GPHN: variants seen among roughly 807,000 people sequenced by gnomAD.
GPHN encodes gephyrin.
In GPHN, 17 loss-of-function variants were observed where a neutral mutation model predicts 95.5. The observed-to-expected ratio is 0.18, with a 90% CI of 0.12 to 0.27. The LOEUF (loss-of-function observed/expected upper bound fraction) is 0.27. Among genes scored for constraint, GPHN ranks in the 10% least tolerant of loss-of-function variants. The probability of loss-of-function intolerance (pLI) is 1.00; values close to 1 mark genes in which losing one functional copy is unlikely to be tolerated. For missense variants in GPHN, 660 were observed against 978.1 expected (o/e 0.67, Z 4.34); for synonymous variants, 320 against 322.5 (o/e 0.99, Z 0.08).
the GPHN span, chr14:67,204,406 C>A: frequency 7.7e-7 from 1 of 1,293,102 alleles, no homozygotes; most frequent in Non-Finnish European, 1.0e-6. Context: ...ATCACCACTG[C>A]ACTCCAACGT....
At chr14:66,717,285 A>G (rs185731104) in intron 2 of GPHN, among the ~76,000 whole-genome samples, 3 of 151,956 alleles carry the variant, frequency 2.0e-5, no homozygotes, top group Non-Finnish European at 2.9e-5. Flanking sequence ...GTTCCATTCT[A>G]TTGCTGAGAC....
At chr14:67,200,320 C>T in the GPHN span, 3 of 658,746 alleles carry the variant, frequency 4.6e-6, no homozygotes, top group South Asian at 5.3e-5. Context: ...AGCCCTCTCC[C>T]TCAGTAAATT....
At chr14:66,697,594 T>C (rs976550074) in intron 2 of GPHN, among the ~76,000 whole-genome samples, 2 of 152,128 alleles carry the variant, frequency 1.3e-5, no homozygotes, top group Non-Finnish European at 2.9e-5. Flanking sequence ...TGGTGGATAT[T>C]TAAAAGTATG....
the GPHN span, among the ~76,000 whole-genome samples, chr14:67,717,575 C>T: frequency 6.6e-6 from 1 of 152,252 alleles, no homozygotes; most frequent in Non-Finnish European, 1.5e-5. Context: ...TTTAGGCCTA[C>T]ATTCTGGAGG....
chr14:67,204,210 G>A, the GPHN span, among the ~76,000 whole-genome samples: 1 of 152,126 alleles, frequency 6.6e-6, no homozygotes, highest in African/African-American at 2.4e-5. Flanking sequence ...GCCAAGGCAG[G>A]TGAATTGCTT....
chr14:66,529,476 G>C (rs1212970945), intron 1 of GPHN, among the ~76,000 whole-genome samples: 1 of 152,016 alleles, frequency 6.6e-6, no homozygotes, highest in East Asian at 1.9e-4. Context: ...CAATTCATTA[G>C]ACTCATTATC....
the GPHN span, chr14:67,446,047 G>A: frequency 1.9e-6 from 1 of 518,406 alleles, no homozygotes; most frequent in Admixed American, 1.9e-5. Flanking sequence ...AAGATGGGAG[G>A]CCCAGATAGA....
At chr14:66,528,146 T>C (rs2058765762) in intron 1 of GPHN, among the ~76,000 whole-genome samples, 1 of 152,222 alleles carries the variant, frequency 6.6e-6, no homozygotes, top group African/African-American at 2.4e-5. Context: ...ATCTGGGTGC[T>C]CCAGTATTGG....
chr14:67,391,271 ATGTGTGTGTG>A, the GPHN span, among the ~76,000 whole-genome samples: 4 of 143,800 alleles, frequency 2.8e-5, no homozygotes, highest in South Asian at 2.3e-4. Context: ...AGCAGCTGAT[ATGTGTGTGTG>A]TGTGTGTGTG....
In GPHN at chr14:66,922,704, C is replaced by T; in HGVS notation, c.495C>T (p.Ala165=). The T allele has an allele frequency of 1.2e-6, 2 of 1,613,672 alleles. No individual in the cohort carries two copies. Among genetic ancestry groups the T allele is most frequent in the Non-Finnish European group, 1.7e-6 (2 of 1,179,654 alleles). Residue 165 remains alanine (A), a synonymous_variant, in exon 7 of 23, where the codon GCC becomes GCT. Coordinates refer to ENST00000478722, the MANE Select transcript of GPHN (RefSeq NM_020806.5). The part of the protein sequence containing the change: ...FQFILPALPH[A]IDLLRDAIVK... The stretch of plus-strand genomic sequence containing the variant: ...TCATACTGCCAGCTCTACCTCATGC[C>T]ATTGACCTTTTACGTGATGCCATTG...
chr14:67,732,568 C>G, the GPHN span, among the ~76,000 whole-genome samples: 10 of 146,086 alleles, frequency 6.8e-5, no homozygotes, highest in Non-Finnish European at 1.5e-4. Context: ...CAGAAAGCAA[C>G]TAAATGATAG....
intron 8 of GPHN, among the ~76,000 whole-genome samples, chr14:66,927,610 CATGTTCCAGATCTTAG>C (rs1292549406): frequency 6.6e-6 from 1 of 152,102 alleles, no homozygotes; most frequent in African/African-American, 2.4e-5. Context: ...GCATCTTTGT[CATGTTCCAGATCTTAG>C]AGGAAATGCT....
At chr14:66,745,204 T>C (rs1298032156) in intron 2 of GPHN, among the ~76,000 whole-genome samples, 1 of 152,110 alleles carries the variant, frequency 6.6e-6, no homozygotes, top group East Asian at 1.9e-4. Context: ...AAAAAAATGT[T>C]GGGACAACAG....
At chr14:67,441,454 G>A in the GPHN span, among the ~76,000 whole-genome samples, 1 of 152,160 alleles carries the variant, frequency 6.6e-6, no homozygotes, top group Non-Finnish European at 1.5e-5. Context: ...CACTTACAAA[G>A]GGGAACTCCA....
At chr14:67,033,075 A>G (rs2074264026) in intron 10 of GPHN, among the ~76,000 whole-genome samples, 1 of 152,192 alleles carries the variant, frequency 6.6e-6, no homozygotes, top group African/African-American at 2.4e-5. Flanking sequence ...ACACAAAGTT[A>G]GAAACTATTA....
At chr14:66,674,242 A>T (rs1036127978) in intron 1 of GPHN, among the ~76,000 whole-genome samples, 1 of 150,980 alleles carries the variant, frequency 6.6e-6, no homozygotes, top group Admixed American at 6.6e-5. Context: ...GGGACTACAG[A>T]CGCCCACCAC....
the GPHN span, among the ~76,000 whole-genome samples, chr14:67,528,152 C>T: frequency 6.6e-6 from 1 of 152,200 alleles, no homozygotes; most frequent in Non-Finnish European, 1.5e-5. Flanking sequence ...TTTCTCTTGG[C>T]TTGGGTCTGT....
At chr14:67,595,086 G>C in the GPHN span, among the ~76,000 whole-genome samples, 1 of 152,036 alleles carries the variant, frequency 6.6e-6, no homozygotes, top group East Asian at 1.9e-4. Context: ...GCAGTGAGCC[G>C]AGATCGCGCC....
Position 66,553,918 on chromosome 14 carries a change from T to A in GPHN, c.64+45327T>A, listed in dbSNP as rs535139255. On this transcript the variant is annotated intron_variant, in intron 1 of 22. Coordinates refer to ENST00000478722, the MANE Select transcript of GPHN (RefSeq NM_020806.5). ...AGCTCTGGAATTTTCATTTAGTTCC[T>A]CTTTATGGTTTCCATTTTGTTAATT... Among the ~76,000 whole-genome samples the A allele has an allele frequency of 1.4e-4, 21 of 152,318 alleles. No individual in the cohort carries two copies. In the South Asian group the frequency reaches 4.3e-3, roughly 32 times the overall value.
Sources: gnomAD v4.1 joint callset for allele counts (sites outside exome capture counted in the v4.1 genomes callset) on GRCh38, gnomAD v4.1.1 for gene constraint, MANE v1.5 for transcripts, NCBI Gene and HGNC (gene_info 2026-07-23, HGNC 2026-07-21) for gene names.